KRABD5: variants seen among roughly 807,000 people sequenced by gnomAD.
KRABD5 encodes the protein KRAB domain containing 5, also known as KRAB domain-containing protein 5.
chr16:31,744,117 C>G, the KRABD5 span, among the ~76,000 whole-genome samples: 20,268 of 152,076 alleles, frequency 0.13, 1,779 homozygotes, highest in South Asian at 0.32. Flanking sequence ...CCCTTTATTT[C>G]TTTCTCTTGC....
At chr16:31,714,368 T>C in the KRABD5 span, 14 of 456,150 alleles carry the variant, frequency 3.1e-5, no homozygotes, top group Non-Finnish European at 6.2e-5. Flanking sequence ...ACCTGTTAGG[T>C]CACTGAACAT....
the KRABD5 span, among the ~76,000 whole-genome samples, chr16:31,744,560 AT>A: frequency 1.3e-5 from 2 of 152,122 alleles, no homozygotes; most frequent in Non-Finnish European, 2.9e-5. Context: ...ATCAATGTTC[AT>A]TGGGGTATTA....
At chr16:31,723,075 G>A in the KRABD5 span, among the ~76,000 whole-genome samples, 1 of 152,172 alleles carries the variant, frequency 6.6e-6, no homozygotes, top group Non-Finnish European at 1.5e-5. Context: ...ACTTGGAAGT[G>A]AAGCTCAGGA....
the KRABD5 span, among the ~76,000 whole-genome samples, chr16:31,729,599 A>T: frequency 2.0e-5 from 3 of 152,214 alleles, no homozygotes; most frequent in African/African-American, 7.2e-5. Context: ...TAAATTTTGG[A>T]AGTGACATTC....
chr16:31,713,869 G>T, the KRABD5 span, among the ~76,000 whole-genome samples: 1 of 152,216 alleles, frequency 6.6e-6, no homozygotes, highest in Admixed American at 6.5e-5. Context: ...TTGGTGAAAT[G>T]GGAAGCCTGC....
the KRABD5 span, chr16:31,755,024 A>G: frequency 6.3e-5 from 30 of 474,174 alleles, no homozygotes; most frequent in East Asian, 2.0e-3. Context: ...GCATCAGAGA[A>G]TTCATACTGG....
At chr16:31,715,238 A>G in the KRABD5 span, among the ~76,000 whole-genome samples, 1 of 152,222 alleles carries the variant, frequency 6.6e-6, no homozygotes, top group Non-Finnish European at 1.5e-5. Context: ...TGTTTTGACC[A>G]TCGAAGATAA....
chr16:31,748,169 A>G, the KRABD5 span, among the ~76,000 whole-genome samples: 1 of 152,140 alleles, frequency 6.6e-6, no homozygotes, highest in Non-Finnish European at 1.5e-5. Context: ...ATTTTTGTAT[A>G]AGGTGTAAGG....
chr16:31,715,040 G>A, the KRABD5 span, among the ~76,000 whole-genome samples: 1 of 152,166 alleles, frequency 6.6e-6, no homozygotes. Context: ...GATTCAAGGT[G>A]GGAGGGGAAG....
At chr16:31,736,704 G>T in the KRABD5 span, among the ~76,000 whole-genome samples, 833 of 151,818 alleles carry the variant, frequency 5.5e-3, 8 homozygotes, top group African/African-American at 0.019. Flanking sequence ...TTTTTTGATA[G>T]AGACAGGGTT....
At chr16:31,755,088 C>A in the KRABD5 span, 2 of 484,620 alleles carry the variant, frequency 4.1e-6, no homozygotes, top group East Asian at 6.4e-5. Flanking sequence ...GTGTCTTCAG[C>A]CCTTACTCAG....
At chr16:31,730,431 A>C in the KRABD5 span, among the ~76,000 whole-genome samples, 24 of 152,268 alleles carry the variant, frequency 1.6e-4, no homozygotes, top group African/African-American at 4.8e-4. Context: ...AACATTATAA[A>C]GTTTCCCTTG....
chr16:31,742,801 C>G, the KRABD5 span, among the ~76,000 whole-genome samples: 1 of 152,182 alleles, frequency 6.6e-6, no homozygotes, highest in Non-Finnish European at 1.5e-5. Flanking sequence ...GTTTCCATTT[C>G]TCCACAGCCT....
At chr16:31,744,439 T>C in the KRABD5 span, among the ~76,000 whole-genome samples, 1 of 152,212 alleles carries the variant, frequency 6.6e-6, no homozygotes, top group South Asian at 2.1e-4. Context: ...TTGATTTGCA[T>C]ATATTGAACC....
chr16:31,728,615 A>G, the KRABD5 span, among the ~76,000 whole-genome samples: 5 of 151,862 alleles, frequency 3.3e-5, no homozygotes, highest in African/African-American at 9.7e-5. Flanking sequence ...TCTTTCTGCT[A>G]TTGATTTTCA....
chr16:31,755,716 A>G, the KRABD5 span: 5 of 394,016 alleles, frequency 1.3e-5, no homozygotes, highest in East Asian at 2.9e-4. Flanking sequence ...GAGAATTTCT[A>G]TAGTTGTAGT....
chr16:31,754,915 T>G, the KRABD5 span: 1 of 448,728 alleles, frequency 2.2e-6, no homozygotes, highest in African/African-American at 2.0e-5. Flanking sequence ...TCAATTCTAG[T>G]TCATATTTTA....
the KRABD5 span, chr16:31,758,245 A>C: frequency 6.6e-6 from 1 of 152,234 alleles, no homozygotes; most frequent in South Asian, 2.1e-4. Context: ...CAATATGAGC[A>C]ATAAGTTATG....
the KRABD5 span, among the ~76,000 whole-genome samples, chr16:31,735,167 T>A: frequency 6.6e-6 from 1 of 152,190 alleles, no homozygotes; most frequent in African/African-American, 2.4e-5. Flanking sequence ...ATGAAGGGTT[T>A]ATCTTTCTGT....
Sources: gnomAD v4.1 joint callset for allele counts (sites outside exome capture counted in the v4.1 genomes callset) on GRCh38, gnomAD v4.1.1 for gene constraint, MANE v1.5 for transcripts, NCBI Gene and HGNC (gene_info 2026-07-23, HGNC 2026-07-21) for gene names.